Variants in RFC3 observed in about 807,000 individuals in gnomAD.
The protein encoded by RFC3 is A1 38 kDa subunit.
In RFC3, 41 loss-of-function variants were observed where a neutral mutation model predicts 45.1. The ratio of observed to expected loss-of-function variants is 0.91; its 90% CI spans 0.71 to 1.18. The LOEUF is 1.18. Among genes scored for constraint, RFC3 ranks in the 50% most tolerant of loss-of-function variants. RFC3 has a pLI of 0.00. For synonymous variants in RFC3, 149 were observed against 144.0 expected (o/e 1.03, Z -0.25); for missense variants, 423 against 428.1 (o/e 0.99, Z 0.10).
intron 3 of RFC3, among the ~76,000 whole-genome samples, chr13:33,825,517 T>C (rs967468331): frequency 1.3e-5 from 2 of 152,314 alleles, no homozygotes; most frequent in African/African-American, 4.8e-5. Flanking sequence ...AAGTATTTGC[T>C]AAACTGTTAC....
In RFC3 at chr13:33,818,155, A is replaced by G; in HGVS notation, c.-24A>G. The G allele has an allele frequency of 6.2e-7, 1 of 1,602,406 alleles. No homozygotes were observed. Among genetic ancestry groups the G allele is most frequent in the Non-Finnish European group, 8.5e-7 (1 of 1,171,996 alleles). On this transcript the variant is annotated 5_prime_UTR_variant, in exon 1 of 9. Transcript: ENST00000380071. ...GCGCTCGCGCGGGATTTTCAAGCGTAGGCCCCCGGGAACTCGAGCTGCCAT... is the reference window on the plus strand; with the variant it reads ...GCGCTCGCGCGGGATTTTCAAGCGTGGGCCCCCGGGAACTCGAGCTGCCAT...
At chr13:33,873,281 A>G (rs1193152473) in intron 8 of RFC3, among the ~76,000 whole-genome samples, 3 of 152,204 alleles carry the variant, frequency 2.0e-5, no homozygotes, top group Admixed American at 6.5e-5. Flanking sequence ...TTTTAAAGAT[A>G]TTATTTCATG....
intron 8 of RFC3, among the ~76,000 whole-genome samples, chr13:33,843,172 T>C (rs995639124): frequency 6.6e-6 from 1 of 151,196 alleles, no homozygotes; most frequent in Non-Finnish European, 1.5e-5. Context: ...ATTTTTCAAA[T>C]TGATGAACAG....
chr13:33,925,804 G>A (rs67622074), intron 8 of RFC3, among the ~76,000 whole-genome samples: 1 of 151,470 alleles, frequency 6.6e-6, no homozygotes, highest in Non-Finnish European at 1.5e-5. Flanking sequence ...TGAACCCCCC[G>A]ACCAACCACC....
intron 8 of RFC3, among the ~76,000 whole-genome samples, chr13:33,921,932 G>A (rs1445915891): frequency 6.6e-6 from 1 of 152,130 alleles, no homozygotes; most frequent in Non-Finnish European, 1.5e-5. Flanking sequence ...TCCAGTCAGA[G>A]AAATCTGGTT....
intron 8 of RFC3, among the ~76,000 whole-genome samples, chr13:33,914,452 A>G (rs2082721428): frequency 6.6e-6 from 1 of 152,108 alleles, no homozygotes; most frequent in Non-Finnish European, 1.5e-5. Flanking sequence ...AAAATGTAGA[A>G]GTGGGCACCC....
chr13:33,851,660 A>G (rs1179567630), intron 8 of RFC3, among the ~76,000 whole-genome samples: 1 of 152,146 alleles, frequency 6.6e-6, no homozygotes, highest in Non-Finnish European at 1.5e-5. Context: ...AAACCTACAT[A>G]TAAATGGACC....
At chr13:33,834,323 T>TAC (rs1382321244) in intron 7 of RFC3, among the ~76,000 whole-genome samples, 30 of 116,676 alleles carry the variant, frequency 2.6e-4, no homozygotes, top group South Asian at 1.8e-3. Context: ...TATATATATA[T>TAC]ATATATATCT....
intron 8 of RFC3, among the ~76,000 whole-genome samples, chr13:33,891,562 A>G (rs952802934): frequency 1.1e-4 from 17 of 152,200 alleles, no homozygotes; most frequent in African/African-American, 4.1e-4. Flanking sequence ...TTTTAAGCTA[A>G]TCTAATATGG....
chr13:33,920,465 G>A (rs1359158169), intron 8 of RFC3, among the ~76,000 whole-genome samples: 1 of 120,320 alleles, frequency 8.3e-6, no homozygotes, highest in Non-Finnish European at 1.6e-5. Context: ...TCCTCACTCT[G>A]TCTCTCAGGC....
intron 8 of RFC3, among the ~76,000 whole-genome samples, chr13:33,890,991 C>T (rs373897421): frequency 6.6e-6 from 1 of 152,162 alleles, no homozygotes; most frequent in Non-Finnish European, 1.5e-5. Flanking sequence ...CATGAAATAA[C>T]ATAAACTTTG....
chr13:33,915,090 T>C (rs780311626), intron 8 of RFC3, among the ~76,000 whole-genome samples: 1 of 152,162 alleles, frequency 6.6e-6, no homozygotes, highest in Non-Finnish European at 1.5e-5. Context: ...CAAGTAATCT[T>C]AGAGCAATAA....
At position 33,898,318 on chromosome 13, in the gene RFC3, C is replaced by T. The variant is rs138767306; in HGVS notation, c.879+63101C>T. 2.7e-3 allele frequency among the ~76,000 whole-genome samples: 405 copies of T among 151,970 alleles called. 1 individual carries two copies. The highest frequency in any genetic ancestry group is 9.3e-3 in the African/African-American group (386 of 41,518). On this transcript the variant is annotated intron_variant, in intron 8 of 8. Coordinates refer to the RFC3 transcript ENST00000434425. ...AAACCATTTCAATCTTTTCAGATCACAATGGAATAAAACAAGAAATCAATT... is the reference window on the plus strand; with the variant it reads ...AAACCATTTCAATCTTTTCAGATCATAATGGAATAAAACAAGAAATCAATT...
At chr13:33,948,439 A>G (rs771514763) in intron 8 of RFC3, among the ~76,000 whole-genome samples, 6 of 152,240 alleles carry the variant, frequency 3.9e-5, no homozygotes, top group Non-Finnish European at 8.8e-5. Flanking sequence ...GAGAACCTCC[A>G]CTAGGGCAGT....
intron 8 of RFC3, among the ~76,000 whole-genome samples, chr13:33,936,499 G>A (rs920434173): frequency 5.3e-5 from 8 of 152,100 alleles, no homozygotes; most frequent in African/African-American, 1.9e-4. Context: ...TTAAGGTGAG[G>A]CTATTAGGAT....
chr13:33,839,301 A>G (rs368025278), downstream of RFC3, among the ~76,000 whole-genome samples: 15 of 152,318 alleles, frequency 9.8e-5, no homozygotes, highest in East Asian at 1.7e-3. Flanking sequence ...TAGCAAAGCT[A>G]TTGTATGGGT....
chr13:33,866,357 A>G (rs1484958302), intron 8 of RFC3, among the ~76,000 whole-genome samples: 2 of 152,210 alleles, frequency 1.3e-5, no homozygotes, highest in Non-Finnish European at 2.9e-5. Flanking sequence ...GTTATTTGGG[A>G]GAGGTAACAT....
intron 8 of RFC3, among the ~76,000 whole-genome samples, chr13:33,955,267 G>C (rs939682295): frequency 6.6e-6 from 1 of 152,148 alleles, no homozygotes; most frequent in Admixed American, 6.5e-5. Flanking sequence ...CCAAGTTTAA[G>C]GAAGCAGTTG....
At chr13:33,973,597 T>TCTCCTTCTCCTTCTC in the RFC3 span, among the ~76,000 whole-genome samples, 3 of 145,744 alleles carry the variant, frequency 2.1e-5, no homozygotes, top group Non-Finnish European at 4.5e-5. Context: ...TTCAACTCCT[T>TCTCCTTCTCCTTCTC]CTCCTTCTCC....
Sources: allele counts gnomAD v4.1 joint callset (sites outside exome capture counted in the v4.1 genomes callset), GRCh38; gene constraint gnomAD v4.1.1; transcripts MANE v1.5; gene names NCBI Gene and HGNC (gene_info 2026-07-23, HGNC 2026-07-21).